The following ABTB2 variants were observed in gnomAD, a reference collection of about 807,000 sequenced individuals.
ABTB2 encodes ankyrin repeat and BTB domain containing 2.
In ABTB2, 56 loss-of-function variants were observed where a neutral mutation model predicts 104.1. The observed-to-expected ratio is 0.54, with a 90% CI of 0.43 to 0.67. The LOEUF is 0.67. ABTB2 is among the 30% of genes least tolerant of loss of function. The probability of loss-of-function intolerance (pLI) is 0.00; values close to 1 mark genes in which losing one functional copy is unlikely to be tolerated. For synonymous variants in ABTB2, 606 were observed against 608.2 expected (o/e 1.00, Z 0.05); for missense variants, 1,279 against 1,407.7 (o/e 0.91, Z 1.46).
At chr11:34,190,585 GAC>G (rs1346297031) in intron 3 of ABTB2, among the ~76,000 whole-genome samples, 1 of 152,234 alleles carries the variant, frequency 6.6e-6, no homozygotes, top group East Asian at 1.9e-4. Flanking sequence ...AAGCACTTAA[GAC>G]AGTATCTGTC....
chr11:34,181,935 G>T (rs1182633216), intron 3 of ABTB2, among the ~76,000 whole-genome samples: 2 of 152,202 alleles, frequency 1.3e-5, no homozygotes, highest in African/African-American at 4.8e-5. Context: ...GTTGAATGGG[G>T]TCACATCCCC....
At chr11:34,221,685 G>C (rs769834641) in intron 1 of ABTB2, among the ~76,000 whole-genome samples, 10 of 152,156 alleles carry the variant, frequency 6.6e-5, no homozygotes, top group Non-Finnish European at 1.3e-4. Flanking sequence ...CAATCCTCTG[G>C]CCAGAACATT....
At chr11:34,261,070 C>A (rs975865743) in intron 1 of ABTB2, among the ~76,000 whole-genome samples, 6 of 152,096 alleles carry the variant, frequency 3.9e-5, no homozygotes, top group African/African-American at 1.4e-4. Context: ...TTGTAGTGAG[C>A]AGAGATTGTA....
intron 1 of ABTB2, among the ~76,000 whole-genome samples, chr11:34,322,326 C>T (rs553174706): frequency 5.3e-5 from 8 of 152,168 alleles, no homozygotes; most frequent in African/African-American, 9.6e-5. Context: ...GATTGTTAAT[C>T]GCACTTTGGG....
chr11:34,162,588 G>A lies in ABTB2; in HGVS notation c.2206C>T (p.Leu736=). The change falls in exon 10 of 17, where the codon CTG becomes TTG. Residue 736 remains leucine (L), a synonymous_variant. Coordinates refer to ENST00000435224, the MANE Select transcript of ABTB2 (RefSeq NM_145804.3). The stretch of plus-strand genomic sequence containing the variant: ...CGTGAGGCCTCACCCAGTGCCCTCA[G>A]CTCCATGGTGATGTCCACGTAGCCG... The part of the protein sequence containing the change: ...EHGYVDITME[L]RALGVPWKLH... The A allele has an allele frequency of 6.2e-7, 1 of 1,613,444 alleles. No homozygotes were observed. Among genetic ancestry groups the A allele is most frequent in the South Asian group, 1.1e-5 (1 of 91,068 alleles).
At chr11:34,345,818 G>A (rs184257173) in intron 1 of ABTB2, among the ~76,000 whole-genome samples, 1 of 152,330 alleles carries the variant, frequency 6.6e-6, no homozygotes, top group East Asian at 1.9e-4. Context: ...GCTGAGATGG[G>A]CTGAAGAAGA....
intron 1 of ABTB2, among the ~76,000 whole-genome samples, chr11:34,317,796 A>T (rs192788165): frequency 0.012 from 1,837 of 151,382 alleles, 18 homozygotes; most frequent in Non-Finnish European, 0.021. Flanking sequence ...ACGGCTTTTT[A>T]AAAAAATTTC....
chr11:34,204,610 G>A lies in ABTB2; in HGVS notation c.964C>T (p.Gln322Ter), dbSNP rs762326218. ...TGCTCCAGGGTTCGGAGCTCCAGCT[G>A]GGCATAGGCATCGGCTCGCTCGTCA... ...GHDERADAYA[Q>*]LELRTLEQSL... Residue 322 changes from glutamine to a stop codon, truncating the protein, a stop_gained, in exon 2 of 17, where the codon CAG becomes TAG. Transcript: ENST00000435224. LOFTEE classifies it high-confidence loss of function. The A allele has an allele frequency of 6.2e-7, 1 of 1,613,900 alleles. No homozygotes were observed. The highest frequency in any genetic ancestry group is 8.5e-7 in the Non-Finnish European group (1 of 1,180,010).
At chr11:34,268,167 A>G (rs1253151474) in intron 1 of ABTB2, among the ~76,000 whole-genome samples, 2 of 152,218 alleles carry the variant, frequency 1.3e-5, no homozygotes, top group Non-Finnish European at 2.9e-5. Context: ...TCTTGGGCTC[A>G]AAGTGATCCA....
In ABTB2 at chr11:34,151,689, GGGAA is replaced by G. The variant is rs1852541010; in HGVS notation, c.*694_*697del. ...ACTTAGCTCAGAAACCATCAAGCTG[GGGAA>G]CTGCCCTCTGCTGCTAACTGAGCAA... On this transcript the variant is annotated 3_prime_UTR_variant, in exon 17 of 17. Transcript: ENST00000435224. 1.3e-5 allele frequency: 2 copies of G among 152,330 alleles called. No individual in the cohort carries two copies. Among genetic ancestry groups the G allele is most frequent in the African/African-American group, 4.8e-5 (2 of 41,420 alleles). The allele number at this position is 152,330 out of a possible 1,614,324, so 9.4% of individuals were successfully genotyped here.
In ABTB2 at chr11:34,321,329, T is replaced by C. The variant is rs1012435690; in HGVS notation, c.883+35372A>G. Among the ~76,000 whole-genome samples, 50 of 152,212 alleles carry C rather than the reference T, an allele frequency of 3.3e-4. 1 individual carries two copies. Among genetic ancestry groups the C allele is most frequent in the Admixed American group, 2.9e-3 (45 of 15,282 alleles). On this transcript the variant is annotated intron_variant, in intron 1 of 16. Transcript: ENST00000435224. ...ACTCATGAGAGTGTGCCATATTCAA[T>C]TGAAGTTCAACAGGAAAAAGGAGAA...
At chr11:34,321,556 C>T (rs771464918) in intron 1 of ABTB2, among the ~76,000 whole-genome samples, 11 of 152,172 alleles carry the variant, frequency 7.2e-5, no homozygotes, top group Non-Finnish European at 1.5e-4. Context: ...GCTTAAACAG[C>T]CAGGGCGTTA....
intron 1 of ABTB2, among the ~76,000 whole-genome samples, chr11:34,209,815 T>G (rs1424711899): frequency 4.3e-4 from 8 of 18,400 alleles, no homozygotes; most frequent in South Asian, 2.8e-3. Context: ...AGAGTAGAGG[T>G]GGGGGTGAGG....
At position 34,154,801 on chromosome 11, in the gene ABTB2, C is replaced by T. The variant is rs115240139; in HGVS notation, c.2698-32G>A. ...TGGGAAGAGGCCCATGTGAATGCCA[C>T]GTGAACCTGAGGCATGAAAGTCCTT... is the stretch of plus-strand genomic sequence containing the variant. On this transcript the variant is annotated intron_variant, in intron 14 of 16. Coordinates refer to ENST00000435224, the MANE Select transcript of ABTB2 (RefSeq NM_145804.3). This position sits in a 1 kb window ranked among gnomAD's most constrained non-coding sequence, Gnocchi z 4.9. 759 of 1,610,754 alleles carry T rather than the reference C, an allele frequency of 4.7e-4. 3 individuals are homozygous for T. The African/African-American group carries it at 7.0e-3, about 15-fold the overall frequency.
At chr11:34,303,641 T>C (rs1854736232) in intron 1 of ABTB2, among the ~76,000 whole-genome samples, 2 of 126,966 alleles carry the variant, frequency 1.6e-5, no homozygotes, top group African/African-American at 7.2e-5. Context: ...GGGTGCTTTT[T>C]TTTTTTTTTT....
At chr11:34,248,284 G>T (rs944284797) in intron 1 of ABTB2, among the ~76,000 whole-genome samples, 1 of 151,672 alleles carries the variant, frequency 6.6e-6, no homozygotes, top group African/African-American at 2.4e-5. Flanking sequence ...AGAGGGTGGG[G>T]GATCTCATTT....
chr11:34,302,791 C>A (rs543611795), intron 1 of ABTB2, among the ~76,000 whole-genome samples: 1 of 152,326 alleles, frequency 6.6e-6, no homozygotes, highest in African/African-American at 2.4e-5. Context: ...AAGGCCCAGT[C>A]AGAAGGGAAG....
In ABTB2 at chr11:34,196,325, G is replaced by A. The variant is rs145753060; in HGVS notation, c.1244+1000C>T. ...TCCCAGCACTTTGGGAGGCCAAGGCGCGTGGATCACGAGATCAGGAGATCG... is the reference window on the plus strand; with the variant it reads ...TCCCAGCACTTTGGGAGGCCAAGGCACGTGGATCACGAGATCAGGAGATCG... On this transcript the variant is annotated intron_variant, in intron 3 of 16. Coordinates refer to ENST00000435224, the MANE Select transcript of ABTB2 (RefSeq NM_145804.3). Among the ~76,000 whole-genome samples, 943 of 152,314 alleles carry A rather than the reference G, an allele frequency of 6.2e-3. 12 individuals carry two copies. The highest frequency in any genetic ancestry group is 0.021 in the African/African-American group (861 of 41,562).
At chr11:34,206,152 G>C (rs1190121515) in intron 1 of ABTB2, among the ~76,000 whole-genome samples, 1 of 152,148 alleles carries the variant, frequency 6.6e-6, no homozygotes, top group African/African-American at 2.4e-5. Context: ...TTGAGGTCAG[G>C]GGTTTGAGAC....
Sources: allele counts gnomAD v4.1 joint callset (sites outside exome capture counted in the v4.1 genomes callset), GRCh38; gene constraint gnomAD v4.1.1; non-coding constraint Gnocchi (gnomAD v3.1); transcripts MANE v1.5; gene names NCBI Gene and HGNC (gene_info 2026-07-23, HGNC 2026-07-21).